SPATA21: variants seen among roughly 807,000 people sequenced by gnomAD.
SPATA21 encodes spermatogenesis associated 21.
In SPATA21, 47 loss-of-function variants were observed where a neutral mutation model predicts 54.8. The ratio of observed to expected loss-of-function variants is 0.86; its 90% CI spans 0.68 to 1.09. SPATA21 has a LOEUF of 1.09. SPATA21 is among the 50% of genes least tolerant of loss of function. The pLI is 0.00. For missense variants in SPATA21, 599 were observed against 596.4 expected (o/e 1.00, Z -0.05); for synonymous variants, 245 against 235.3 (o/e 1.04, Z -0.38).
chr1:16,427,965 T>C (rs746799600), intron 3 of SPATA21: 7 of 1,550,068 alleles, frequency 4.5e-6, no homozygotes, highest in Non-Finnish European at 6.1e-6. Context: ...CTCGTGAAGC[T>C]GATGAGAGGT....
At chr1:16,410,835 C>T (rs559272156) in intron 5 of SPATA21, 23 of 402,606 alleles carry the variant, frequency 5.7e-5, no homozygotes, top group East Asian at 9.6e-5. Context: ...CGTGTTCCAC[C>T]GCGCCCGGCT....
At chr1:16,423,823 C>T (rs555622383) in intron 3 of SPATA21, among the ~76,000 whole-genome samples, 3 of 152,064 alleles carry the variant, frequency 2.0e-5, no homozygotes, top group Admixed American at 6.5e-5. Context: ...GGATTACAGG[C>T]TGAGCCACCG....
At chr1:16,399,317 G>T in intron 12 of SPATA21, 27 bp downstream of exon 12, 1 of 1,592,748 alleles carries the variant, frequency 6.3e-7, no homozygotes, top group South Asian at 1.1e-5. Context: ...AAGGGCCTGG[G>T]CTGGGACCCT....
At position 16,421,996 on chromosome 1, in the gene SPATA21, G is replaced by A. The variant is rs145384327; in HGVS notation, c.35-25C>T. On this transcript the variant is annotated intron_variant, in intron 3 of 12. Transcript: ENST00000335496. This position sits in a 1 kb window ranked among gnomAD's most constrained non-coding sequence, Gnocchi z 5.2. ...TCTGGAGCCACGACGGACATTGGGG[G>A]CATTGCTTCCTGAGAGCTGTCCCCA... 682 of 1,614,196 alleles carry A rather than the reference G, an allele frequency of 4.2e-4. 2 individuals carry two copies. In the African/African-American group the frequency reaches 7.8e-3, roughly 18 times the overall value.
Position 16,402,249 on chromosome 1 carries a change from C to CTTTTTTTTT in SPATA21, c.1002-1366_1002-1358dup, listed in dbSNP as rs869032281. 1.2e-3 allele frequency among the ~76,000 whole-genome samples: 66 copies of CTTTTTTTTT among 55,952 alleles called. 6 individuals carry two copies. Among genetic ancestry groups the CTTTTTTTTT allele is most frequent in the East Asian group, 2.5e-3 (3 of 1,208 alleles). The allele number at this position is 55,952 out of a possible 152,430, so 36.7% of individuals were successfully genotyped here. A position where few individuals can be genotyped will look rare whatever the true frequency, so the allele number is the denominator to read the frequency against. On this transcript the variant is annotated intron_variant, in intron 10 of 12. Transcript: ENST00000335496. Reference sequence around the variant, plus strand: ...CTTCTGGCAGTTCTGAGCTGCCATTCTTTTTTTTTTTTTTTTTTTTTTTTT... The same window carrying CTTTTTTTTT: ...CTTCTGGCAGTTCTGAGCTGCCATTCTTTTTTTTTTTTTTTTTTTTTTTTTTTTTTTTTT...
At chr1:16,433,895 C>T (rs2086521607) in intron 1 of SPATA21, among the ~76,000 whole-genome samples, 1 of 152,154 alleles carries the variant, frequency 6.6e-6, no homozygotes, top group South Asian at 2.1e-4. Context: ...TTAAAGTGTA[C>T]AATTCAACGG....
At chr1:16,417,604 AT>A (rs780280879) in intron 5 of SPATA21, among the ~76,000 whole-genome samples, 124 of 151,618 alleles carry the variant, frequency 8.2e-4, no homozygotes, top group Admixed American at 2.6e-3. Flanking sequence ...ATTTTTTTGT[AT>A]TTTTAGTAGA....
chr1:16,431,167 G>A, intron 3 of SPATA21, 171 bp downstream of exon 3: 1 of 1,460,938 alleles, frequency 6.8e-7, no homozygotes, highest in Non-Finnish European at 9.2e-7. Context: ...AGCAGCTGGG[G>A]AGGAAGCCTG....
rs921250155 is a variant in SPATA21 at position 16,421,842 on chromosome 1, A to G, written c.95+69T>C. ...TCAGGAGCAGTCTGGACTAGAATTC[A>G]CCCCACCTGAAACTCAGCAGAAGAG... On this transcript the variant is annotated intron_variant, in intron 4 of 12. Coordinates refer to ENST00000335496, the MANE Select transcript of SPATA21 (RefSeq NM_198546.1). This position sits in a 1 kb window ranked among gnomAD's most constrained non-coding sequence, Gnocchi z 5.2. 35 of 1,610,900 alleles carry G rather than the reference A, an allele frequency of 2.2e-5. No individual in the cohort carries two copies. The Admixed American group carries it at 5.3e-4, about 25-fold the overall frequency.
At chr1:16,417,402 G>A (rs990321319) in intron 5 of SPATA21, among the ~76,000 whole-genome samples, 8 of 150,874 alleles carry the variant, frequency 5.3e-5, no homozygotes, top group Non-Finnish European at 1.2e-4. Flanking sequence ...GGGACTACAG[G>A]TGCCTGCCAC....
chr1:16,425,207 C>T (rs758949501), intron 3 of SPATA21: 33 of 514,954 alleles, frequency 6.4e-5, no homozygotes, highest in South Asian at 4.6e-4. Flanking sequence ...CCACCATGCC[C>T]GGCCTGGAAA....
chr1:16,435,253 T>C (rs1011050651), intron 1 of SPATA21, among the ~76,000 whole-genome samples: 1 of 152,210 alleles, frequency 6.6e-6, no homozygotes, highest in African/African-American at 2.4e-5. Flanking sequence ...CCGATAATGT[T>C]GGACATCTTC....
chr1:16,405,508 A>G lies in SPATA21; in HGVS notation c.674-404T>C, dbSNP rs747643374. Among the ~76,000 whole-genome samples the G allele has an allele frequency of 1.5e-3, 231 of 150,282 alleles. 1 individual carries two copies. Among genetic ancestry groups the G allele is most frequent in the Non-Finnish European group, 2.7e-3 (184 of 67,112 alleles). ...AAATAAAAATGAAAAAAAAAAAAAA[A>G]AAAAAAACTGGGCATGGTGGTGTGC... is the stretch of plus-strand genomic sequence containing the variant. On this transcript the variant is annotated intron_variant, in intron 7 of 12. Coordinates refer to ENST00000335496, the MANE Select transcript of SPATA21 (RefSeq NM_198546.1).
intron 1 of SPATA21, among the ~76,000 whole-genome samples, chr1:16,433,318 G>T (rs1328285663): frequency 1.3e-5 from 2 of 152,250 alleles, no homozygotes; most frequent in African/African-American, 4.8e-5. Flanking sequence ...CAGCTGGTTT[G>T]GTGGGGTGAC....
At chr1:16,404,449 G>T (rs150168352) in intron 8 of SPATA21, among the ~76,000 whole-genome samples, 2 of 152,008 alleles carry the variant, frequency 1.3e-5, no homozygotes, top group Non-Finnish European at 2.9e-5. Flanking sequence ...CAGCCTGGGC[G>T]ACAGAGCAAG....
chr1:16,399,610 T>A (rs2085381918), intron 11 of SPATA21, 89 bp from the exon 12 acceptor site: 3 of 1,436,544 alleles, frequency 2.1e-6, no homozygotes, highest in Non-Finnish European at 2.8e-6. Flanking sequence ...CTGGCGTTGC[T>A]ACATAATGAC....
At chr1:16,399,793 G>T (rs899714969) in intron 11 of SPATA21, among the ~76,000 whole-genome samples, 4 of 152,180 alleles carry the variant, frequency 2.6e-5, no homozygotes, top group African/African-American at 9.7e-5. Context: ...AAGGAGCAGA[G>T]GACTTTGTGA....
intron 3 of SPATA21, among the ~76,000 whole-genome samples, chr1:16,423,258 C>A (rs1570185990): frequency 6.7e-6 from 1 of 149,924 alleles, no homozygotes; most frequent in East Asian, 2.0e-4. Context: ...ACTAAAAACA[C>A]AAAAATTAGC....
chr1:16,424,563 A>G (rs1326462448), intron 3 of SPATA21, among the ~76,000 whole-genome samples: 1 of 151,824 alleles, frequency 6.6e-6, no homozygotes, highest in Non-Finnish European at 1.5e-5. Context: ...GGCCACAGAC[A>G]TGTGCCACCA....
Sources: allele counts gnomAD v4.1 joint callset (sites outside exome capture counted in the v4.1 genomes callset), GRCh38; gene constraint gnomAD v4.1.1; non-coding constraint Gnocchi (gnomAD v3.1); transcripts MANE v1.5; gene names NCBI Gene and HGNC (gene_info 2026-07-23, HGNC 2026-07-21).